Variants in ABCA13 observed in about 807,000 individuals in gnomAD.
ABCA13 encodes the protein ATP binding cassette subfamily A member 13, also known as ATP-binding cassette sub-family A member 13.
A neutral mutation model predicts 478.7 loss-of-function variants in ABCA13; 476 were observed. The observed-to-expected ratio is 0.99, with a 90% confidence interval of 0.92 to 1.07. The LOEUF (loss-of-function observed/expected upper bound fraction) is 1.07, where lower values mean the gene tolerates loss of function less well. Among genes scored for constraint, ABCA13 ranks in the 50% least tolerant of loss-of-function variants. The pLI is 0.00. For synonymous variants in ABCA13, 2,252 were observed against 2,158.9 expected (o/e 1.04, Z -1.20); for missense variants, 6,060 against 5,910.6 (o/e 1.03, Z -0.83).
intron 3 of ABCA13, among the ~76,000 whole-genome samples, chr7:48,212,074 A>G (rs1240683088): frequency 6.6e-6 from 1 of 152,036 alleles, no homozygotes; most frequent in Non-Finnish European, 1.5e-5. Context: ...GGGATCTCAA[A>G]CCACTTTATC....
intron 8 of ABCA13, among the ~76,000 whole-genome samples, chr7:48,238,394 T>C (rs1171468095): frequency 6.6e-6 from 1 of 152,084 alleles, no homozygotes; most frequent in Admixed American, 6.5e-5. Context: ...AATGATGTAA[T>C]AGGGGAATGT....
chr7:48,435,490 A>T (rs1822710106), intron 42 of ABCA13, among the ~76,000 whole-genome samples: 1 of 151,746 alleles, frequency 6.6e-6, no homozygotes, highest in African/African-American at 2.4e-5. Flanking sequence ...ATCCTTTTCA[A>T]TTTGGATGAC....
At chr7:48,614,286 G>C (rs1792322594) in intron 58 of ABCA13, among the ~76,000 whole-genome samples, 1 of 150,812 alleles carries the variant, frequency 6.6e-6, no homozygotes, top group Non-Finnish European at 1.5e-5. Context: ...TTGTACTATT[G>C]CTAAATGCTT....
At chr7:48,186,318 A>G (rs557200664) in intron 1 of ABCA13, among the ~76,000 whole-genome samples, 5 of 152,258 alleles carry the variant, frequency 3.3e-5, no homozygotes, top group South Asian at 4.1e-4. Flanking sequence ...TTTTCTGGGT[A>G]TACAATTCTA....
At chr7:48,398,970 G>A (rs1461007288) in intron 38 of ABCA13, among the ~76,000 whole-genome samples, 1 of 152,162 alleles carries the variant, frequency 6.6e-6, no homozygotes, top group African/African-American at 2.4e-5. Flanking sequence ...AAATGCTGTT[G>A]AGGGTCAAGT....
At chr7:48,309,127 T>G (rs1176422602) in intron 23 of ABCA13, among the ~76,000 whole-genome samples, 2 of 151,560 alleles carry the variant, frequency 1.3e-5, no homozygotes, top group Non-Finnish European at 1.5e-5. Context: ...TATCTTACTG[T>G]ATTTTGGGAA....
chr7:48,409,485 C>G (rs975223986), intron 39 of ABCA13, among the ~76,000 whole-genome samples: 2 of 152,136 alleles, frequency 1.3e-5, no homozygotes, highest in African/African-American at 4.8e-5. Context: ...ACACCCAAGT[C>G]CCCCTCCACC....
intron 8 of ABCA13, among the ~76,000 whole-genome samples, chr7:48,238,616 C>T (rs1273769156): frequency 6.6e-6 from 1 of 152,040 alleles, no homozygotes; most frequent in Non-Finnish European, 1.5e-5. Flanking sequence ...CTACAGGCGC[C>T]CACCACCACG....
chr7:48,257,222 C>T (rs561997678), intron 15 of ABCA13, among the ~76,000 whole-genome samples: 4 of 152,100 alleles, frequency 2.6e-5, no homozygotes, highest in Non-Finnish European at 5.9e-5. Context: ...AGGATTGTAT[C>T]ATCTTGCAAA....
rs775642295 is a variant in ABCA13 at position 48,275,192 on chromosome 7, T to G, written c.5526T>G (p.Asn1842Lys). The G allele has an allele frequency of 1.9e-6, 3 of 1,613,946 alleles. No homozygotes were observed. The South Asian group carries it at 3.3e-5, about 18-fold the overall frequency. Residue 1842 changes from asparagine (N) to lysine (K), a missense_variant, in exon 17 of 62, where the codon AAT becomes AAG. By Grantham distance (94) the Asn-to-Lys change is moderately conservative. Coordinates refer to ENST00000435803, the MANE Select transcript of ABCA13 (RefSeq NM_152701.5). ...FRQNSKIDPC[N>K]VHGLMSSSFY... ...AGAATTCAAAGATAGACCCCTGCAA[T>G]GTCCATGGGCTCATGTCTTCTTCCT...
At chr7:48,405,925 C>T (rs915979579) in intron 39 of ABCA13, among the ~76,000 whole-genome samples, 24 of 152,058 alleles carry the variant, frequency 1.6e-4, no homozygotes, top group African/African-American at 5.6e-4. Flanking sequence ...AGTATGTAAG[C>T]GATTAGATAG....
intron 41 of ABCA13, among the ~76,000 whole-genome samples, chr7:48,418,325 G>T (rs552380961): frequency 6.6e-6 from 1 of 152,334 alleles, no homozygotes; most frequent in South Asian, 2.1e-4. Context: ...AGTTTCTGTT[G>T]TTCCATATTC....
chr7:48,313,983 A>ATGTG (rs1554436363), intron 25 of ABCA13, among the ~76,000 whole-genome samples: 5,703 of 78,220 alleles, frequency 0.073, 326 homozygotes, highest in African/African-American at 0.17. Context: ...GTGTGTGTGT[A>ATGTG]TGTGTGTGTG....
intron 12 of ABCA13, 64 bp from the exon 13 acceptor site, chr7:48,245,799 C>T: frequency 6.7e-7 from 1 of 1,502,644 alleles, no homozygotes; most frequent in Admixed American, 2.2e-5. Flanking sequence ...AGTTCTTGAG[C>T]CCATGAAGAG....
intron 42 of ABCA13, among the ~76,000 whole-genome samples, chr7:48,453,226 G>T (rs1585387725): frequency 7.0e-6 from 1 of 142,246 alleles, no homozygotes; most frequent in East Asian, 2.2e-4. Context: ...TGAGTCTCTG[G>T]AGATTGGGAT....
intron 41 of ABCA13, among the ~76,000 whole-genome samples, chr7:48,418,070 T>TAA (rs1219212135): frequency 6.6e-6 from 1 of 152,242 alleles, no homozygotes; most frequent in Non-Finnish European, 1.5e-5. Context: ...CCATAGTCTA[T>TAA]TTATCTATTC....
chr7:48,565,759 T>G (rs1786991975), intron 55 of ABCA13, among the ~76,000 whole-genome samples: 1 of 152,196 alleles, frequency 6.6e-6, no homozygotes, highest in Admixed American at 6.5e-5. Flanking sequence ...CAAGCTGTCA[T>G]GGAGTGTATG....
intron 27 of ABCA13, among the ~76,000 whole-genome samples, chr7:48,327,795 T>A (rs1288023029): frequency 6.6e-6 from 1 of 152,208 alleles, no homozygotes; most frequent in South Asian, 2.1e-4. Flanking sequence ...TACCTCATTT[T>A]AAAAAATAAC....
Position 48,273,184 on chromosome 7 carries a change from C to T in ABCA13, c.3518C>T (p.Thr1173Ile). 5 of 1,613,672 alleles carry T rather than the reference C, an allele frequency of 3.1e-6. No homozygotes were observed. Among genetic ancestry groups the T allele is most frequent in the Non-Finnish European group, 4.2e-6 (5 of 1,179,754 alleles). The part of the protein sequence containing the change: ...QLFKFDMNVF[T>I]SLHHGFTQLL... The stretch of plus-strand genomic sequence containing the variant: ...TTTAAGTTTGACATGAATGTTTTCA[C>T]ATCTCTTCATCATGGTTTCACTCAG... Residue 1173 changes from threonine (T) to isoleucine (I), a missense_variant, in exon 17 of 62, where the codon ACA (threonine) becomes ATA (isoleucine). Thr to Ile is a moderately conservative substitution (Grantham distance 89). Coordinates refer to ENST00000435803, the MANE Select transcript of ABCA13 (RefSeq NM_152701.5).
Sources: gnomAD v4.1 joint callset for allele counts (sites outside exome capture counted in the v4.1 genomes callset) on GRCh38, gnomAD v4.1.1 for gene constraint, MANE v1.5 for transcripts, NCBI Gene and HGNC (gene_info 2026-07-23, HGNC 2026-07-21) for gene names.